The following VWA3B variants were observed in gnomAD, a reference collection of about 807,000 sequenced individuals.
The protein encoded by VWA3B is von Willebrand factor A domain containing 3B, also known as von Willebrand factor A domain-containing protein 3B.
VWA3B carries 138 observed loss-of-function variants against 158.3 expected under a neutral mutation model. The ratio of observed to expected loss-of-function variants is 0.87; its 90% CI spans 0.76 to 1.00. VWA3B has a LOEUF of 1.00. VWA3B is among the 50% of genes least tolerant of loss of function. The pLI, the probability that VWA3B is intolerant of heterozygous loss-of-function variation, is 0.00. For missense variants in VWA3B, 1,555 were observed against 1,565.1 expected (o/e 0.99, Z 0.11); for synonymous variants, 596 against 587.3 (o/e 1.01, Z -0.21).
In VWA3B at chr2:98,119,439, T is replaced by C. The variant is rs573904104; in HGVS notation, c.292-74T>C. On this transcript the variant is annotated intron_variant, in intron 3 of 27. Transcript: ENST00000477737. ...CAACACTGTTATGAGTGCACAGTTC[T>C]CGGTGGCAGCACTGTGGTTCAAATG... 627 of 1,542,774 alleles carry C rather than the reference T, an allele frequency of 4.1e-4. 8 individuals carry two copies. The South Asian group carries it at 7.3e-3, about 18-fold the overall frequency.
At chr2:98,272,544 A>C (rs887056784) in intron 22 of VWA3B, among the ~76,000 whole-genome samples, 1 of 152,076 alleles carries the variant, frequency 6.6e-6, no homozygotes, top group Non-Finnish European at 1.5e-5. Context: ...ACTTACCTTC[A>C]GCCCCTCTCC....
At chr2:98,272,078 C>T (rs1045877448) in intron 22 of VWA3B, among the ~76,000 whole-genome samples, 4 of 152,196 alleles carry the variant, frequency 2.6e-5, no homozygotes, top group Non-Finnish European at 4.4e-5. Flanking sequence ...CCGGTTGGTT[C>T]TCCTCCAATT....
At chr2:98,102,026 C>T (rs971286318) in intron 2 of VWA3B, among the ~76,000 whole-genome samples, 1 of 152,070 alleles carries the variant, frequency 6.6e-6, no homozygotes, top group East Asian at 1.9e-4. Context: ...TGCGGCCTTC[C>T]GCAGTGTTTG....
intron 14 of VWA3B, 53 bp downstream of exon 14, chr2:98,218,081 G>A: frequency 2.0e-6 from 3 of 1,529,576 alleles, no homozygotes; most frequent in Non-Finnish European, 2.6e-6. Context: ...AGCATTACAG[G>A]CTGGCGGTCC....
intron 7 of VWA3B, among the ~76,000 whole-genome samples, chr2:98,161,120 T>G (rs1364105092): frequency 6.6e-6 from 1 of 152,196 alleles, no homozygotes; most frequent in Non-Finnish European, 1.5e-5. Flanking sequence ...TGTGGGATAT[T>G]GGGCATCAGT....
At chr2:98,198,893 T>G (rs1483662244) in intron 12 of VWA3B, among the ~76,000 whole-genome samples, 1 of 152,142 alleles carries the variant, frequency 6.6e-6, no homozygotes, top group Non-Finnish European at 1.5e-5. Context: ...AAGACCATCC[T>G]GGCTAACATG....
At chr2:98,100,879 C>T (rs544501200) in intron 2 of VWA3B, among the ~76,000 whole-genome samples, 43 of 152,178 alleles carry the variant, frequency 2.8e-4, no homozygotes, top group African/African-American at 9.4e-4. Flanking sequence ...GATCTGTCAC[C>T]TGGTTTTCTT....
intron 14 of VWA3B, among the ~76,000 whole-genome samples, chr2:98,219,807 A>G (rs907025647): frequency 2.6e-5 from 4 of 152,248 alleles, no homozygotes; most frequent in Non-Finnish European, 4.4e-5. Context: ...GAGACTGTCC[A>G]CATAGAGCCT....
chr2:98,305,879 C>T (rs1368339717), intron 26 of VWA3B, among the ~76,000 whole-genome samples: 3 of 152,122 alleles, frequency 2.0e-5, no homozygotes, highest in African/African-American at 4.8e-5. Flanking sequence ...GTGTCCCTTC[C>T]GCACTTAAAA....
At position 98,300,110 on chromosome 2, in the gene VWA3B, T is replaced by C; in HGVS notation, c.3314T>C (p.Ile1105Thr). 6.2e-7 allele frequency: 1 copy of C among 1,614,236 alleles called. No homozygotes were observed. The highest frequency in any genetic ancestry group is 8.5e-7 in the Non-Finnish European group (1 of 1,180,040). ...VGDYVFAKIV[I>T]PKGFDFYVPA... ...GATTATGTGTTTGCCAAAATTGTGATACCCAAAGGATTTGACTTCTATGTC... is the reference window on the plus strand; with the variant it reads ...GATTATGTGTTTGCCAAAATTGTGACACCCAAAGGATTTGACTTCTATGTC... The change falls in exon 25 of 28, where the codon ATA (isoleucine) becomes ACA (threonine). Residue 1105 changes from isoleucine to threonine, a missense_variant. By Grantham distance (89) the Ile-to-Thr change is moderately conservative (BLOSUM62 -1). Transcript: ENST00000477737.
At chr2:98,140,539 T>G (rs992034517) in intron 7 of VWA3B, among the ~76,000 whole-genome samples, 42 of 152,188 alleles carry the variant, frequency 2.8e-4, no homozygotes, top group Admixed American at 4.6e-4. Flanking sequence ...GGTGTTCCGT[T>G]AAGGAGGCAG....
chr2:98,130,699 T>G (rs1356119346), intron 6 of VWA3B, among the ~76,000 whole-genome samples: 1 of 152,148 alleles, frequency 6.6e-6, no homozygotes, highest in Admixed American at 6.5e-5. Flanking sequence ...GAGCACAGGG[T>G]TGGGGGTAGC....
chr2:98,230,377 C>T (rs988374378), intron 16 of VWA3B, among the ~76,000 whole-genome samples, 170 bp downstream of exon 16: 4 of 152,140 alleles, frequency 2.6e-5, no homozygotes, highest in African/African-American at 9.7e-5. Flanking sequence ...TATATACCTA[C>T]GCTTCATCCT....
At chr2:98,210,290 G>C (rs578023404) in intron 12 of VWA3B, among the ~76,000 whole-genome samples, 1 of 152,186 alleles carries the variant, frequency 6.6e-6, no homozygotes, top group African/African-American at 2.4e-5. Context: ...CTTCCCTGCT[G>C]TCTCCCCTAG....
chr2:98,266,771 A>T (rs1447571213), intron 21 of VWA3B, among the ~76,000 whole-genome samples: 4 of 124,240 alleles, frequency 3.2e-5, no homozygotes, highest in African/African-American at 1.2e-4. Context: ...CATCCCTTGT[A>T]AGTTGGATTC....
intron 22 of VWA3B, among the ~76,000 whole-genome samples, chr2:98,279,026 C>G (rs1291449749): frequency 1.3e-5 from 2 of 152,146 alleles, no homozygotes; most frequent in Non-Finnish European, 1.5e-5. Context: ...GGAAGTGGGA[C>G]CCCTGATGGG....
chr2:98,292,116 A>G (rs2105953438), intron 23 of VWA3B: 1 of 148,404 alleles, frequency 6.7e-6, no homozygotes, highest in Non-Finnish European at 1.5e-5. Flanking sequence ...TTAACCGGGC[A>G]CCTGTAGTCC....
intron 9 of VWA3B, among the ~76,000 whole-genome samples, chr2:98,181,743 C>A (rs1680600867): frequency 6.6e-6 from 1 of 152,212 alleles, no homozygotes; most frequent in Non-Finnish European, 1.5e-5. Context: ...AATACAGCTT[C>A]TCCTAGTGCC....
At chr2:98,281,818 T>A (rs2105921314) in intron 22 of VWA3B, among the ~76,000 whole-genome samples, 1 of 152,244 alleles carries the variant, frequency 6.6e-6, no homozygotes, top group Admixed American at 6.5e-5. Context: ...GCACACAGCA[T>A]CCCTCCTGCT....
Sources: allele counts gnomAD v4.1 joint callset (sites outside exome capture counted in the v4.1 genomes callset), GRCh38; gene constraint gnomAD v4.1.1; transcripts MANE v1.5; gene names NCBI Gene and HGNC (gene_info 2026-07-23, HGNC 2026-07-21).